GRM4: variants seen among roughly 807,000 people sequenced by gnomAD.
The protein encoded by GRM4 is glutamate metabotropic receptor 4.
Under a neutral mutation model 81.7 loss-of-function variants are expected in GRM4, and 28 were observed. The observed-to-expected ratio is 0.34, with a 90% CI of 0.25 to 0.47. GRM4 has a LOEUF of 0.47. GRM4 is among the 20% of genes least tolerant of loss of function. The pLI is 1.00. For missense variants in GRM4, 948 were observed against 1,290.0 expected, an observed-to-expected ratio of 0.73 and a Z score of 4.06; for synonymous variants, 488 against 528.8, an observed-to-expected ratio of 0.92 and a Z score of 1.06.
At chr6:34,046,069 C>T (rs1052342980) in intron 6 of GRM4, among the ~76,000 whole-genome samples, 3 of 152,130 alleles carry the variant, frequency 2.0e-5, no homozygotes, top group African/African-American at 4.8e-5. Context: ...GAGTCCTTCT[C>T]GTCTCCCCCC....
intron 10 of GRM4, among the ~76,000 whole-genome samples, chr6:34,026,865 C>A (rs1055142917): frequency 6.6e-6 from 1 of 152,214 alleles, no homozygotes; most frequent in African/African-American, 2.4e-5. Context: ...CAGACCTGCT[C>A]CTGCACGCAG....
chr6:34,031,200 GA>G (rs1764398186), intron 9 of GRM4, among the ~76,000 whole-genome samples: 1 of 152,192 alleles, frequency 6.6e-6, no homozygotes, highest in South Asian at 2.1e-4. Flanking sequence ...TTCGGGCTAT[GA>G]TCTCCCCTCC....
At position 34,092,688 on chromosome 6, in the gene GRM4, TTC is replaced by T. The variant is rs1246143670; in HGVS notation, c.520-591_520-590del. Among the ~76,000 whole-genome samples, 3 of 152,038 alleles carry T rather than the reference TTC, an allele frequency of 2.0e-5. No individual in the cohort carries two copies. Among genetic ancestry groups the T allele is most frequent in the African/African-American group, 4.8e-5 (2 of 41,416 alleles). ...AGTGGGGTGGGCTTCAGGAATTCCCTTCTCTCTGGAGCTGGGGACACTGAGCC... is the reference window on the plus strand; with the variant it reads ...AGTGGGGTGGGCTTCAGGAATTCCCTTCTCTGGAGCTGGGGACACTGAGCC... On this transcript the variant is annotated intron_variant, in intron 2 of 10. Coordinates refer to ENST00000538487, the MANE Select transcript of GRM4 (RefSeq NM_000841.4). This position sits in a 1 kb window ranked among gnomAD's most constrained non-coding sequence, Gnocchi z 6.8.
At chr6:34,077,839 C>T (rs551787448) in intron 3 of GRM4, among the ~76,000 whole-genome samples, 1 of 152,310 alleles carries the variant, frequency 6.6e-6, no homozygotes, top group East Asian at 1.9e-4. Flanking sequence ...CAAGCTCCTC[C>T]TCCCCTGGGC....
chr6:34,137,073 C>T (rs1371760181), intron 1 of GRM4, among the ~76,000 whole-genome samples: 1 of 152,190 alleles, frequency 6.6e-6, no homozygotes, highest in Admixed American at 6.5e-5. Flanking sequence ...CACTCCCCCG[C>T]CAATTCCAAA....
At chr6:34,056,190 G>T in intron 6 of GRM4, 1 of 211,378 alleles carries the variant, frequency 4.7e-6, no homozygotes, top group Non-Finnish European at 9.4e-6. Context: ...CTGGAGGTTA[G>T]AGGTAGTTTC....
intron 3 of GRM4, among the ~76,000 whole-genome samples, chr6:34,065,095 CCT>C (rs1269576595): frequency 6.6e-6 from 1 of 152,104 alleles, no homozygotes; most frequent in African/African-American, 2.4e-5. Context: ...TTCTGCAGCC[CCT>C]GTTGTTTAGG....
At chr6:34,056,298 C>G (rs953703029) in intron 6 of GRM4, 12 of 533,730 alleles carry the variant, frequency 2.2e-5, no homozygotes, top group African/African-American at 1.7e-4. Flanking sequence ...CACATCAACC[C>G]CGAGGCGGCC....
At chr6:34,061,553 G>A in intron 4 of GRM4, 1 of 229,220 alleles carries the variant, frequency 4.4e-6, no homozygotes, top group Non-Finnish European at 8.5e-6. Flanking sequence ...AAATTCACCT[G>A]GGGTCACACA....
At position 34,068,757 on chromosome 6, in the gene GRM4, C is replaced by A. The variant is rs1040526953; in HGVS notation, c.737-6729G>T. Among the ~76,000 whole-genome samples the A allele has an allele frequency of 1.3e-5, 2 of 152,104 alleles. No individual in the cohort carries two copies. The highest frequency in any genetic ancestry group is 6.5e-5 in the Admixed American group (1 of 15,274). On this transcript the variant is annotated intron_variant, in intron 3 of 10. Transcript: ENST00000538487. The surrounding 1 kb of genome is among the most constrained non-coding windows in gnomAD (Gnocchi z 4.2). ...GCTGTGGGGAGACAGTCAGGGGTCC[C>A]CCAGGCTGTCACCTTGGACACTGGG...
chr6:34,031,624 C>G (rs1324392841), intron 9 of GRM4, among the ~76,000 whole-genome samples: 1 of 152,230 alleles, frequency 6.6e-6, no homozygotes, highest in Admixed American at 6.5e-5. Flanking sequence ...ATTGCCTCTG[C>G]AGCCACGTCC....
At chr6:34,123,590 C>T (rs1320715605) in intron 2 of GRM4, among the ~76,000 whole-genome samples, 1 of 152,186 alleles carries the variant, frequency 6.6e-6, no homozygotes, top group East Asian at 1.9e-4. Context: ...TGCCACATGC[C>T]GCCTCCAGAG....
chr6:34,093,720 C>T (rs942925831), intron 2 of GRM4, among the ~76,000 whole-genome samples: 8 of 152,168 alleles, frequency 5.3e-5, no homozygotes, highest in Non-Finnish European at 1.0e-4. Context: ...AGTGAGGGTC[C>T]ACCCTCCCCT....
intron 2 of GRM4, among the ~76,000 whole-genome samples, chr6:34,104,701 G>A (rs1249486979): frequency 6.6e-6 from 1 of 152,170 alleles, no homozygotes; most frequent in African/African-American, 2.4e-5. Context: ...AGGATGGGGA[G>A]CTGAGAGTCC....
In GRM4 at chr6:34,136,048, C is replaced by T. The variant is rs1188763251; in HGVS notation, c.-363-2189G>A. On this transcript the variant is annotated intron_variant, in intron 1 of 10. Transcript: ENST00000538487. This position sits in a 1 kb window ranked among gnomAD's most constrained non-coding sequence, Gnocchi z 4.1. ...GAGAGCCTGCACAGTTAAACACCAT[C>T]CTGTCCAAATGCCGACGGTGCCTCG... 1.3e-5 allele frequency among the ~76,000 whole-genome samples: 2 copies of T among 152,224 alleles called. No homozygotes were observed. The highest frequency in any genetic ancestry group is 1.9e-4 in the East Asian group (1 of 5,192).
At chr6:34,091,436 G>A (rs1339474233) in intron 3 of GRM4, 6 of 169,486 alleles carry the variant, frequency 3.5e-5, no homozygotes, top group Admixed American at 2.4e-4. Context: ...GACCACCCGC[G>A]GCCCTCCACC....
At chr6:34,043,783 G>A (rs1420464789) in intron 6 of GRM4, among the ~76,000 whole-genome samples, 3 of 152,130 alleles carry the variant, frequency 2.0e-5, no homozygotes, top group African/African-American at 7.2e-5. Flanking sequence ...TATCCCGCAG[G>A]AGCCCCCTCA....
chr6:34,022,983 T>TGGATGCCATGAGA lies in GRM4; in HGVS notation c.2690-114_2690-113insTCTCATGGCATCC. On this transcript the variant is annotated intron_variant, in intron 10 of 10. Coordinates refer to ENST00000538487, the MANE Select transcript of GRM4 (RefSeq NM_000841.4). This position sits in a 1 kb window ranked among gnomAD's most constrained non-coding sequence, Gnocchi z 5.6. ...ACCTACCATAGCTCCCCGCCTCTCATGGCATCCAGTCCTGAGCTGAGCAAT... is the reference window on the plus strand; with the variant it reads ...ACCTACCATAGCTCCCCGCCTCTCATGGATGCCATGAGAGGCATCCAGTCCTGAGCTGAGCAAT... 1.2e-6 allele frequency: 1 copy of TGGATGCCATGAGA among 832,302 alleles called. No individual in the cohort carries two copies. The allele number at this position is 832,302 out of a possible 1,614,324, so 51.6% of individuals were successfully genotyped here.
intron 10 of GRM4, 37 bp downstream of exon 10, chr6:34,028,083 T>TG: frequency 1.9e-6 from 3 of 1,584,264 alleles, no homozygotes; most frequent in Non-Finnish European, 2.6e-6. Flanking sequence ...GAGCGGGGCC[T>TG]GGGGCCCGAG....
Sources: gnomAD v4.1 joint callset for allele counts (sites outside exome capture counted in the v4.1 genomes callset) on GRCh38, gnomAD v4.1.1 for gene constraint, Gnocchi (gnomAD v3.1) non-coding constraint, MANE v1.5 for transcripts, NCBI Gene and HGNC (gene_info 2026-07-23, HGNC 2026-07-21) for gene names.